The following POPDC1 variants were observed in gnomAD, a reference collection of about 807,000 sequenced individuals.
POPDC1 encodes popeye domain cAMP effector 1, also known as popeye domain-containing protein 1.
At chr6:105,125,653 A>G in the POPDC1 span, 1 of 1,418,614 alleles carries the variant, frequency 7.0e-7, no homozygotes, top group East Asian at 2.3e-5. Context: ...TGGTCTAAAT[A>G]TGGTTTTGAT....
the POPDC1 span, among the ~76,000 whole-genome samples, chr6:105,117,032 T>C: frequency 4.6e-5 from 7 of 152,184 alleles, no homozygotes; most frequent in African/African-American, 1.4e-4. Flanking sequence ...TCTACACGTA[T>C]AAAATTATGT....
chr6:105,119,446 T>C, the POPDC1 span, among the ~76,000 whole-genome samples: 2 of 152,116 alleles, frequency 1.3e-5, no homozygotes, highest in African/African-American at 2.4e-5. Flanking sequence ...ATCAAAAACA[T>C]GGCAAGATTT....
chr6:105,108,487 T>C, the POPDC1 span, among the ~76,000 whole-genome samples: 3 of 152,026 alleles, frequency 2.0e-5, no homozygotes, highest in African/African-American at 4.8e-5. Context: ...ACTCAGAGAC[T>C]TGAAGAAAAA....
At chr6:105,101,353 A>G in the POPDC1 span, 3 of 939,500 alleles carry the variant, frequency 3.2e-6, no homozygotes, top group Non-Finnish European at 4.5e-6. Flanking sequence ...CAATTTCCAT[A>G]AACCATTCTA....
the POPDC1 span, among the ~76,000 whole-genome samples, chr6:105,126,606 C>A: frequency 6.6e-6 from 1 of 152,108 alleles, no homozygotes; most frequent in Non-Finnish European, 1.5e-5. Flanking sequence ...TAACAGAAAA[C>A]CTTTTCTGTG....
chr6:105,111,155 T>C, the POPDC1 span, among the ~76,000 whole-genome samples: 6 of 152,234 alleles, frequency 3.9e-5, no homozygotes, highest in African/African-American at 1.2e-4. Flanking sequence ...TTCCAACTGA[T>C]TGCATTGCCT....
the POPDC1 span, among the ~76,000 whole-genome samples, chr6:105,119,888 T>A: frequency 6.6e-6 from 1 of 152,206 alleles, no homozygotes; most frequent in Non-Finnish European, 1.5e-5. Flanking sequence ...CCTGTTTAAG[T>A]TATTATTGAA....
chr6:105,115,916 G>A, the POPDC1 span: 19 of 1,345,556 alleles, frequency 1.4e-5, no homozygotes, highest in Middle Eastern at 5.2e-4. Flanking sequence ...CTAGAAATAC[G>A]TTAGTGCATT....
At chr6:105,123,028 C>A in the POPDC1 span, among the ~76,000 whole-genome samples, 1 of 152,212 alleles carries the variant, frequency 6.6e-6, no homozygotes, top group African/African-American at 2.4e-5. Flanking sequence ...AAAAACTAAA[C>A]TGTATGTCTA....
chr6:105,098,469 A>G, the POPDC1 span: 3 of 152,232 alleles, frequency 2.0e-5, no homozygotes, highest in Non-Finnish European at 2.9e-5. Flanking sequence ...AAATGGTCTT[A>G]TATCACCTAC....
chr6:105,134,533 A>T, the POPDC1 span, among the ~76,000 whole-genome samples: 1 of 152,160 alleles, frequency 6.6e-6, no homozygotes. Flanking sequence ...GGGGACCCTA[A>T]ATACATTTAA....
the POPDC1 span, chr6:105,136,633 GTGGGGCCGAGGGCCCGGGGACGC>G: frequency 2.0e-5 from 3 of 152,458 alleles, no homozygotes; most frequent in Non-Finnish European, 2.9e-5. Flanking sequence ...CCGGCACTCG[GTGGGGCCGAGGGCCCGGGGACGC>G]TGGGGCTGCC....
At chr6:105,104,263 G>C in the POPDC1 span, among the ~76,000 whole-genome samples, 1 of 152,158 alleles carries the variant, frequency 6.6e-6, no homozygotes, top group East Asian at 1.9e-4. Context: ...ACTCCTGTGG[G>C]AAGATTCTAC....
At chr6:105,129,572 A>G in the POPDC1 span, 1 of 1,465,088 alleles carries the variant, frequency 6.8e-7, no homozygotes. Flanking sequence ...AATAAATTTG[A>G]TATCCTCTAT....
chr6:105,112,718 C>T, the POPDC1 span, among the ~76,000 whole-genome samples: 1 of 152,092 alleles, frequency 6.6e-6, no homozygotes, highest in South Asian at 2.1e-4. Context: ...GAAAAAGTGG[C>T]TTGGGGCAAG....
the POPDC1 span, among the ~76,000 whole-genome samples, chr6:105,135,145 C>A: frequency 6.6e-6 from 1 of 152,172 alleles, no homozygotes; most frequent in African/African-American, 2.4e-5. Context: ...TCCTGTTTGT[C>A]CTCTAGGAGG....
the POPDC1 span, among the ~76,000 whole-genome samples, chr6:105,106,613 A>G: frequency 3.0e-4 from 46 of 152,156 alleles, no homozygotes; most frequent in Non-Finnish European, 5.6e-4. Context: ...GATGGCAGCC[A>G]GGGCTGGGTG....
At chr6:105,124,685 C>G in the POPDC1 span, 5 of 1,384,616 alleles carry the variant, frequency 3.6e-6, no homozygotes, top group Non-Finnish European at 5.1e-6. Flanking sequence ...TTAATAAAAG[C>G]AATATTTCAC....
At chr6:105,104,453 A>G in the POPDC1 span, among the ~76,000 whole-genome samples, 1 of 152,164 alleles carries the variant, frequency 6.6e-6, no homozygotes, top group Admixed American at 6.5e-5. Flanking sequence ...GTCCTTAAGT[A>G]CACAGTGATG....
Sources: allele counts gnomAD v4.1 joint callset (sites outside exome capture counted in the v4.1 genomes callset), GRCh38; gene constraint gnomAD v4.1.1; transcripts MANE v1.5; gene names NCBI Gene and HGNC (gene_info 2026-07-23, HGNC 2026-07-21).